ATP5F1A: variants seen among roughly 807,000 people sequenced by gnomAD.
ATP5F1A encodes the protein ATP synthase F1 subunit alpha.
In ATP5F1A, 24 loss-of-function variants were observed where a neutral mutation model predicts 57.4. The observed-to-expected ratio is 0.42, with a 90% CI of 0.30 to 0.59. The LOEUF is 0.59. Among genes scored for constraint, ATP5F1A ranks in the 20% least tolerant of loss-of-function variants. The pLI, the probability that ATP5F1A is intolerant of heterozygous loss-of-function variation, is 0.19. For synonymous variants in ATP5F1A, 251 were observed against 255.5 expected, an observed-to-expected ratio of 0.98 and a Z score of 0.17; for missense variants, 494 against 707.9, an observed-to-expected ratio of 0.70 and a Z score of 3.43.
chr18:46,090,473 A>G (rs879309910), intron 3 of ATP5F1A, among the ~76,000 whole-genome samples: 8 of 152,348 alleles, frequency 5.3e-5, no homozygotes, highest in Admixed American at 2.0e-4. Flanking sequence ...AGAAAGTGAA[A>G]TTAAAAGCTA....
At chr18:46,102,091 G>T (rs535750729), upstream of ATP5F1A, among the ~76,000 whole-genome samples, 1 of 150,958 alleles carries the variant, frequency 6.6e-6, no homozygotes, top group African/African-American at 2.4e-5. Flanking sequence ...GGAGAATGGC[G>T]TGAACCCGGG....
At chr18:46,087,914 A>G in intron 6 of ATP5F1A, 195 bp downstream of exon 6, 1 of 593,812 alleles carries the variant, frequency 1.7e-6, no homozygotes, top group Non-Finnish European at 2.8e-6. Context: ...AGAATCAAAC[A>G]GCTTCCACTT....
At position 46,087,143 on chromosome 18, in the gene ATP5F1A, C is replaced by A. The variant is rs1267493409; in HGVS notation, c.1041G>T (p.Arg347=). Residue 347 remains arginine, a synonymous_variant, in exon 8 of 12, where the codon CGG becomes CGT. Transcript: ENST00000398752. ...TCATTTTGGCTGCTCTCTCCAGCAA[C>A]CGGGAGTGTAGGTAGAACACATCAC... is the stretch of plus-strand genomic sequence containing the variant. ...YPGDVFYLHS[R]LLERAAKMND... is the part of the protein sequence containing the mutation. 6.2e-7 allele frequency: 1 copy of A among 1,614,106 alleles called. No individual in the cohort carries two copies. Among genetic ancestry groups the A allele is most frequent in the Non-Finnish European group, 8.5e-7 (1 of 1,179,970 alleles).
At chr18:46,103,711 C>A (rs922636136) in intron 1 of ATP5F1A, among the ~76,000 whole-genome samples, 1 of 150,700 alleles carries the variant, frequency 6.6e-6, no homozygotes, top group Admixed American at 6.6e-5. Flanking sequence ...GTTAGGAGTT[C>A]GAGACCAGCC....
At chr18:46,098,605 G>A (rs111647929), upstream of ATP5F1A, among the ~76,000 whole-genome samples, 7 of 152,256 alleles carry the variant, frequency 4.6e-5, 1 homozygote, top group African/African-American at 1.7e-4. Flanking sequence ...GCTAGAGGAT[G>A]AGGGCCTCAC....
Position 46,083,043 on chromosome 18 carries a change from CTG to C in ATP5F1A, c.*1237_*1238del, listed in dbSNP as rs1477010928. The C allele has an allele frequency of 5.9e-5, 9 of 151,936 alleles. No individual in the cohort carries two copies. The highest frequency in any genetic ancestry group is 5.2e-4 in the Admixed American group (8 of 15,262). The allele number at this position is 151,936 out of a possible 1,614,324, so 9.4% of individuals were successfully genotyped here. ...CCAGCCTAGGTGACAGAGCAAGACT[CTG>C]TCTCAAAAAAATAAATAAATCAGTA... On this transcript the variant is annotated 3_prime_UTR_variant, in exon 12 of 12. Coordinates refer to ENST00000398752, the MANE Select transcript of ATP5F1A (RefSeq NM_004046.6).
chr18:46,084,441 A>C (rs1909935886), intron 11 of ATP5F1A, 63 bp downstream of exon 11: 2 of 1,575,942 alleles, frequency 1.3e-6, no homozygotes, highest in East Asian at 4.5e-5. Flanking sequence ...AGATTTGAAA[A>C]TAATTTTAAC....
chr18:46,092,092 G>A lies in ATP5F1A; in HGVS notation c.140-241C>T, dbSNP rs71355030. On this transcript the variant is annotated intron_variant, in intron 2 of 11. Transcript: ENST00000398752. ...AGGCGGAGGCTGAGGCAGAAGAATC[G>A]CTTGAACCCAGGAGGCGGAGGTTGC... is the stretch of plus-strand genomic sequence containing the variant. 5,876 of 221,274 alleles carry A rather than the reference G, an allele frequency of 0.027. 137 individuals are homozygous for A. The highest frequency in any genetic ancestry group is 0.041 in the Non-Finnish European group (4,638 of 113,010). 13.7% of individuals were successfully genotyped at this position (221,274 alleles called of 1,614,324 possible).
chr18:46,084,971 G>T (rs570292406), intron 10 of ATP5F1A: 1 of 219,540 alleles, frequency 4.6e-6, no homozygotes, highest in Non-Finnish European at 8.8e-6. Flanking sequence ...AAATAAAAAC[G>T]TATTAACTTT....
chr18:46,088,318 A>G, intron 5 of ATP5F1A, 61 bp from the exon 6 acceptor site: 7 of 1,417,650 alleles, frequency 4.9e-6, no homozygotes, highest in Non-Finnish European at 6.7e-6. Context: ...CCTGTGGGGG[A>G]AAGAAAGAGA....
At chr18:46,091,285 A>G (rs1172412911) in intron 3 of ATP5F1A, among the ~76,000 whole-genome samples, 4 of 152,212 alleles carry the variant, frequency 2.6e-5, no homozygotes, top group Non-Finnish European at 4.4e-5. Context: ...CCTTTGAACA[A>G]TATGTCTACT....
upstream of ATP5F1A, chr18:46,098,478 T>C: frequency 8.1e-7 from 1 of 1,238,708 alleles, no homozygotes; most frequent in Non-Finnish European, 1.0e-6. Flanking sequence ...ATTCCGGCTT[T>C]GGTCCTGGCA....
Position 46,084,183 on chromosome 18 carries a change from TGTACATAA to T in ATP5F1A, c.*91_*98del, listed in dbSNP as rs1274471380. On this transcript the variant is annotated 3_prime_UTR_variant, in exon 12 of 12. Coordinates refer to ENST00000398752, the MANE Select transcript of ATP5F1A (RefSeq NM_004046.6). ...GAACCTTTATTTTTCATGTGATTTC[TGTACATAA>T]GGAGTATGAGAGTAACCCTTTTACA... 48 of 925,536 alleles carry T rather than the reference TGTACATAA, an allele frequency of 5.2e-5. No homozygotes were observed. The highest frequency in any genetic ancestry group is 6.9e-5 in the Non-Finnish European group (43 of 623,842). 57.3% of individuals were successfully genotyped at this position (925,536 alleles called of 1,614,324 possible).
chr18:46,088,977 A>T (rs1910335422), intron 5 of ATP5F1A, among the ~76,000 whole-genome samples: 1 of 151,936 alleles, frequency 6.6e-6, no homozygotes, highest in Non-Finnish European at 1.5e-5. Flanking sequence ...TCTGGCCTAC[A>T]TGCACATCAA....
At chr18:46,092,298 T>C (rs1910623751) in intron 2 of ATP5F1A, 1 of 151,048 alleles carries the variant, frequency 6.6e-6, no homozygotes, top group Non-Finnish European at 1.5e-5. Flanking sequence ...GTGATCATAA[T>C]AATCCAAATA....
At chr18:46,085,816 C>T (rs748892896) in intron 10 of ATP5F1A, 20 of 305,182 alleles carry the variant, frequency 6.6e-5, no homozygotes, top group Non-Finnish European at 9.7e-5. Flanking sequence ...ACCTGTAATC[C>T]GAGCTACTAA....
chr18:46,082,865 ATGGTGAAACCT>A lies in ATP5F1A; in HGVS notation c.*1406_*1416del, dbSNP rs915459285. 1.3e-4 allele frequency: 20 copies of A among 151,970 alleles called. No individual in the cohort carries two copies. Among genetic ancestry groups the A allele is most frequent in the African/African-American group, 4.8e-4 (20 of 41,368 alleles). The allele number at this position is 151,970 out of a possible 1,614,324, so 9.4% of individuals were successfully genotyped here. ...GGAGCTCAAGAGCAGCATGGCCAAC[ATGGTGAAACCT>A]TGTCTCTACTAAAAATACAAAATGT... On this transcript the variant is annotated 3_prime_UTR_variant, in exon 12 of 12. Transcript: ENST00000398752.
At chr18:46,091,595 A>G in intron 3 of ATP5F1A, 87 bp downstream of exon 3, 2 of 1,370,298 alleles carry the variant, frequency 1.5e-6, no homozygotes, top group Non-Finnish European at 2.0e-6. Flanking sequence ...AAAGTTTTTT[A>G]AAAATCTGAT....
intron 1 of ATP5F1A, among the ~76,000 whole-genome samples, chr18:46,096,994 A>AC (rs1192585736): frequency 2.0e-5 from 3 of 151,568 alleles, no homozygotes; most frequent in African/African-American, 7.3e-5. Context: ...AAAAAAAAAA[A>AC]AAAAAAAAAA....
Sources: gnomAD v4.1 joint callset for allele counts (sites outside exome capture counted in the v4.1 genomes callset) on GRCh38, gnomAD v4.1.1 for gene constraint, MANE v1.5 for transcripts, NCBI Gene and HGNC (gene_info 2026-07-23, HGNC 2026-07-21) for gene names.